Variants in STARD10 observed in about 807,000 individuals in gnomAD.
STARD10 encodes START domain-containing protein 10.
In STARD10, 24 loss-of-function variants were observed where a neutral mutation model predicts 36.0. The ratio of observed to expected loss-of-function variants is 0.67; its 90% confidence interval spans 0.48 to 0.94. The LOEUF (loss-of-function observed/expected upper bound fraction) is 0.94, where lower values mean the gene tolerates loss of function less well. STARD10 is among the 40% of genes least tolerant of loss of function. STARD10 has a pLI of 0.00. For synonymous variants in STARD10, 156 were observed against 161.9 expected, an observed-to-expected ratio of 0.96 and a Z score of 0.28; for missense variants, 335 against 396.6, an observed-to-expected ratio of 0.84 and a Z score of 1.32.
rs1858995280 is a variant in STARD10 at position 72,781,370 on chromosome 11, G to A, written c.-113-76C>T. 1 of 600,536 alleles carries A rather than the reference G, an allele frequency of 1.7e-6. No individual in the cohort carries two copies. Among genetic ancestry groups the A allele is most frequent in the Non-Finnish European group, 3.0e-6 (1 of 338,250 alleles). The allele number at this position is 600,536 out of a possible 1,614,324, so 37.2% of individuals were successfully genotyped here. Reference sequence around the variant, plus strand: ...GGCTGTTCGGGGTCCTGGCGGGTGGGGAGCTGGAGAGAGGTAGGGGCTGGC... The same window carrying A: ...GGCTGTTCGGGGTCCTGGCGGGTGGAGAGCTGGAGAGAGGTAGGGGCTGGC... On this transcript the variant is annotated intron_variant, in intron 1 of 6. Coordinates refer to ENST00000334805, the MANE Select transcript of STARD10 (RefSeq NM_006645.3). This position sits in a 1 kb window ranked among gnomAD's most constrained non-coding sequence, Gnocchi z 4.7.
chr11:72,754,802 AC>A lies in STARD10; in HGVS notation c.*94del. 6.6e-7 allele frequency: 1 copy of A among 1,513,702 alleles called. No individual in the cohort carries two copies. Among genetic ancestry groups the A allele is most frequent in the Non-Finnish European group, 8.8e-7 (1 of 1,130,808 alleles). The allele number at this position is 1,513,702 out of a possible 1,614,324, so 93.8% of individuals were successfully genotyped here. A position where few individuals can be genotyped will look rare whatever the true frequency, so the allele number is the denominator to read the frequency against. Reference sequence around the variant, plus strand: ...ACCCGCCTGGGCCTGGCCCGGTGCCACCAGGTGCCGGGTGGGGGAGGGGAGA... The same window carrying A: ...ACCCGCCTGGGCCTGGCCCGGTGCCACAGGTGCCGGGTGGGGGAGGGGAGA... On this transcript the variant is annotated 3_prime_UTR_variant, in exon 7 of 7. Coordinates refer to ENST00000334805, the MANE Select transcript of STARD10 (RefSeq NM_006645.3).
chr11:72,768,183 G>A (rs1288390064), intron 2 of STARD10, among the ~76,000 whole-genome samples: 1 of 152,198 alleles, frequency 6.6e-6, no homozygotes, highest in African/African-American at 2.4e-5. Context: ...GACCAGGAGA[G>A]GAGGCTCTGA....
At chr11:72,784,096 AC>A (rs1404868629) in intron 1 of STARD10, among the ~76,000 whole-genome samples, 1 of 151,888 alleles carries the variant, frequency 6.6e-6, no homozygotes, top group Non-Finnish European at 1.5e-5. Context: ...TGCAAATGCC[AC>A]CCCTCCCAGG....
intron 2 of STARD10, chr11:72,780,333 C>A: frequency 2.5e-6 from 1 of 403,006 alleles, no homozygotes; most frequent in South Asian, 1.7e-5. Flanking sequence ...GTTGGCTTCC[C>A]TTGACCCCAG....
At position 72,759,096 on chromosome 11, in the gene STARD10, G is replaced by C. The variant is rs539166042; in HGVS notation, c.355+138C>G. On this transcript the variant is annotated intron_variant, in intron 3 of 6. Coordinates refer to ENST00000334805, the MANE Select transcript of STARD10 (RefSeq NM_006645.3). Reference sequence around the variant, plus strand: ...GGTCTAGGAGTGGACAGGGAGGGCAGCTCTATCTCTCAGCACTCAAGTCTC... The same window carrying C: ...GGTCTAGGAGTGGACAGGGAGGGCACCTCTATCTCTCAGCACTCAAGTCTC... 78 of 1,024,042 alleles carry C rather than the reference G, an allele frequency of 7.6e-5. No homozygotes were observed. In the South Asian group the frequency reaches 1.1e-3, roughly 14 times the overall value. 63.4% of individuals were successfully genotyped at this position (1,024,042 alleles called of 1,614,324 possible). A position where few individuals can be genotyped will look rare whatever the true frequency, so the allele number is the denominator to read the frequency against.
In STARD10 at chr11:72,793,803, A is replaced by T. The variant is rs677231; in HGVS notation, c.-1042T>A. Reference sequence around the variant, plus strand: ...CCCAGAGGTCCCGGACTAGGGGCGGACTAGGGGCCGCTCTGCCTCCCGCCC... The same window carrying T: ...CCCAGAGGTCCCGGACTAGGGGCGGTCTAGGGGCCGCTCTGCCTCCCGCCC... On this transcript the variant is annotated 5_prime_UTR_variant, in exon 1 of 7. Transcript: ENST00000334805. The T allele has an allele frequency of 0.48, 73,511 of 152,070 alleles. 17,928 individuals carry two copies. Among genetic ancestry groups the T allele is most frequent in the Non-Finnish European group, 0.51 (34,627 of 67,966 alleles). 9.4% of individuals were successfully genotyped at this position (152,070 alleles called of 1,614,324 possible).
intron 2 of STARD10, among the ~76,000 whole-genome samples, chr11:72,774,014 A>G (rs1299621507): frequency 6.6e-6 from 1 of 152,212 alleles, no homozygotes; most frequent in Admixed American, 6.5e-5. Context: ...TCTGGCTATC[A>G]GGCCTCTACC....
intron 6 of STARD10, 47 bp downstream of exon 6, chr11:72,755,654 T>C (rs760766076): frequency 5.0e-6 from 8 of 1,604,268 alleles, no homozygotes; most frequent in Non-Finnish European, 6.8e-6. Context: ...TCCATAGTCC[T>C]CTTTCCAGTC....
intron 2 of STARD10, among the ~76,000 whole-genome samples, chr11:72,762,217 T>C (rs1277060): frequency 0.28 from 42,242 of 151,654 alleles, 6,258 homozygotes; most frequent in South Asian, 0.41. Flanking sequence ...TGAGCCACTG[T>C]GCCCGGCCAC....
chr11:72,757,861 C>T lies in STARD10; in HGVS notation c.483G>A (p.Leu161=). 1 of 1,614,132 alleles carries T rather than the reference C, an allele frequency of 6.2e-7. No homozygotes were observed. ...KHPKYPPRKD[L]VRAVSIQTGY... ...CCGTCTGGATGGACACAGCTCGGAC[C>T]AAGTCTTTCCGAGGTGGGTATTTCT... Residue 161 remains leucine (L), a synonymous_variant, in exon 5 of 7, where the codon TTG becomes TTA. Coordinates refer to ENST00000334805, the MANE Select transcript of STARD10 (RefSeq NM_006645.3).
At chr11:72,773,170 A>G (rs1858886323) in intron 2 of STARD10, among the ~76,000 whole-genome samples, 1 of 152,270 alleles carries the variant, frequency 6.6e-6, no homozygotes, top group Non-Finnish European at 1.5e-5. Flanking sequence ...CAAAGTCACC[A>G]GTAGAGACAT....
chr11:72,762,157 C>T (rs1283084768), intron 2 of STARD10, among the ~76,000 whole-genome samples: 1 of 151,780 alleles, frequency 6.6e-6, no homozygotes, highest in Non-Finnish European at 1.5e-5. Context: ...AACTCCTGAC[C>T]TCAGGTGATC....
chr11:72,760,338 T>G lies in STARD10; in HGVS notation c.208-957A>C, dbSNP rs574931004. 1.4e-3 allele frequency among the ~76,000 whole-genome samples: 215 copies of G among 152,322 alleles called. 1 individual carries two copies. Among genetic ancestry groups the G allele is most frequent in the African/African-American group, 4.8e-3 (199 of 41,560 alleles). ...GCCTTCCGGTTTCAAAGGATTCTCCTGCCTCAGCCTCCTGAGTAGATGGGA... is the reference window on the plus strand; with the variant it reads ...GCCTTCCGGTTTCAAAGGATTCTCCGGCCTCAGCCTCCTGAGTAGATGGGA... On this transcript the variant is annotated intron_variant, in intron 2 of 6. Coordinates refer to ENST00000334805, the MANE Select transcript of STARD10 (RefSeq NM_006645.3).
chr11:72,786,953 T>C (rs1859080630), intron 1 of STARD10, among the ~76,000 whole-genome samples: 1 of 151,932 alleles, frequency 6.6e-6, no homozygotes, highest in Admixed American at 6.6e-5. Context: ...TGGTGGCACA[T>C]GCTGGTAGTC....
chr11:72,761,528 G>A (rs1039513487), intron 2 of STARD10, among the ~76,000 whole-genome samples: 3 of 152,114 alleles, frequency 2.0e-5, no homozygotes, highest in East Asian at 1.9e-4. Flanking sequence ...AGGCTGAGAC[G>A]GGCAGATCAC....
chr11:72,785,306 T>A (rs1484761279), intron 1 of STARD10, among the ~76,000 whole-genome samples: 1 of 151,760 alleles, frequency 6.6e-6, no homozygotes, highest in Non-Finnish European at 1.5e-5. Context: ...GGCTAACACC[T>A]GTAATCCCAG....
chr11:72,766,435 G>A (rs1449620627), intron 2 of STARD10, among the ~76,000 whole-genome samples: 1 of 152,202 alleles, frequency 6.6e-6, no homozygotes, highest in Non-Finnish European at 1.5e-5. Flanking sequence ...TAGGAGAGGC[G>A]AATGCACATG....
At chr11:72,785,286 C>CGGGTG (rs1859057308) in intron 1 of STARD10, among the ~76,000 whole-genome samples, 1 of 151,978 alleles carries the variant, frequency 6.6e-6, no homozygotes, top group African/African-American at 2.4e-5. Context: ...ACCTAGGGGC[C>CGGGTG]GGGTGTGGTG....
Position 72,781,211 on chromosome 11 carries a change from T to A in STARD10, c.-30A>T. The stretch of plus-strand genomic sequence containing the variant: ...AGTGTGGGGAGGCCCAGGGCCCTGG[T>A]CCTAGTCCGGCTCTCCTGGGTCCTC... On this transcript the variant is annotated 5_prime_UTR_variant, in exon 2 of 7. Coordinates refer to ENST00000334805, the MANE Select transcript of STARD10 (RefSeq NM_006645.3). This position sits in a 1 kb window ranked among gnomAD's most constrained non-coding sequence, Gnocchi z 4.7. 2 of 1,587,254 alleles carry A rather than the reference T, an allele frequency of 1.3e-6. No homozygotes were observed. The highest frequency in any genetic ancestry group is 1.7e-6 in the Non-Finnish European group (2 of 1,166,760).
Sources: gnomAD v4.1 joint callset for allele counts (sites outside exome capture counted in the v4.1 genomes callset) on GRCh38, gnomAD v4.1.1 for gene constraint, Gnocchi (gnomAD v3.1) non-coding constraint, MANE v1.5 for transcripts, NCBI Gene and HGNC (gene_info 2026-07-23, HGNC 2026-07-21) for gene names.